The following AGBL1 variants were observed in gnomAD, a reference collection of about 807,000 sequenced individuals.
AGBL1 encodes cytosolic carboxypeptidase 4.
AGBL1 carries 130 observed loss-of-function variants against 118.9 expected under a neutral mutation model. The ratio of observed to expected loss-of-function variants is 1.09; its 90% CI spans 0.95 to 1.26. The LOEUF is 1.26. AGBL1 is among the 50% of genes most tolerant of loss of function. The pLI is 0.00. For missense variants in AGBL1, 1,584 were observed against 1,298.1 expected, an observed-to-expected ratio of 1.22 and a Z score of -3.38; for synonymous variants, 555 against 478.9, an observed-to-expected ratio of 1.16 and a Z score of -2.08.
rs193045284 is a variant in AGBL1, at chr15:86,490,752, C to G, written c.2556-32058C>G. Among the ~76,000 whole-genome samples the G allele has an allele frequency of 4.9e-3, 751 of 152,216 alleles. 15 individuals are homozygous for G. Among genetic ancestry groups the G allele is most frequent in the Non-Finnish European group, 4.6e-3 (314 of 67,992 alleles). ...TGAAGTCATGCAAATAAAGAGAATA[C>G]TGAAATATTGTTTCTCAGTGGCACC... is the stretch of plus-strand genomic sequence containing the variant. On this transcript the variant is annotated intron_variant, in intron 18 of 22. Transcript: ENST00000614907.
intron 18 of AGBL1, among the ~76,000 whole-genome samples, chr15:86,495,467 C>T (rs2082838285): frequency 6.7e-6 from 1 of 149,664 alleles, no homozygotes; most frequent in African/African-American, 2.4e-5. Context: ...AAAAACCTTA[C>T]AAAAGTAGTT....
chr15:86,873,194 T>C (rs533246476), intron 22 of AGBL1, among the ~76,000 whole-genome samples: 1 of 152,160 alleles, frequency 6.6e-6, no homozygotes, highest in Non-Finnish European at 1.5e-5. Context: ...AAAAGTCTTA[T>C]CTTTTGCTTT....
chr15:86,262,812 G>A lies in AGBL1; in HGVS notation c.1004G>A (p.Ser335Asn), dbSNP rs2079013836. The A allele has an allele frequency of 6.2e-7, 1 of 1,610,576 alleles. No homozygotes were observed. Among genetic ancestry groups the A allele is most frequent in the South Asian group, 1.1e-5 (1 of 89,908 alleles). ...DDLETDVNKL[S>N]SKPGLDRPEE... Reference sequence around the variant, plus strand: ...TTGGAAACAGACGTGAACAAGCTGAGTTCCAAACCTGGTCTTGACCGACCT... The same window carrying A: ...TTGGAAACAGACGTGAACAAGCTGAATTCCAAACCTGGTCTTGACCGACCT... The change falls in exon 10 of 23, where the codon AGT becomes AAT. Residue 335 changes from serine (S) to asparagine (N), a missense_variant. Coordinates refer to ENST00000614907, the MANE Select transcript of AGBL1 (RefSeq NM_001386094.1).
chr15:86,741,269 A>G (rs943152341), intron 22 of AGBL1, among the ~76,000 whole-genome samples: 4 of 151,564 alleles, frequency 2.6e-5, no homozygotes, highest in Non-Finnish European at 5.9e-5. Context: ...AAGGAAGACA[A>G]ACAATACTGC....
At chr15:86,645,771 G>T (rs2085267917) in intron 21 of AGBL1, among the ~76,000 whole-genome samples, 1 of 152,166 alleles carries the variant, frequency 6.6e-6, no homozygotes. Flanking sequence ...AAATGTCAGA[G>T]CCTGCATTAC....
intron 22 of AGBL1, among the ~76,000 whole-genome samples, chr15:86,754,432 G>A (rs2077903533): frequency 6.6e-6 from 1 of 152,218 alleles, no homozygotes; most frequent in Non-Finnish European, 1.5e-5. Context: ...AGGTTCTGAT[G>A]TCTGGGTTTT....
chr15:86,421,457 C>G (rs2081788583), intron 18 of AGBL1, among the ~76,000 whole-genome samples: 1 of 152,066 alleles, frequency 6.6e-6, no homozygotes, highest in African/African-American at 2.4e-5. Context: ...GAAGGAAGTA[C>G]TAAATATGGA....
At chr15:86,423,936 T>C (rs977057957) in intron 18 of AGBL1, among the ~76,000 whole-genome samples, 1 of 152,092 alleles carries the variant, frequency 6.6e-6, no homozygotes, top group Non-Finnish European at 1.5e-5. Context: ...AGAACCAATA[T>C]AGAGAAAATG....
intron 5 of AGBL1, among the ~76,000 whole-genome samples, chr15:86,196,907 A>G (rs893381374): frequency 7.9e-5 from 12 of 150,962 alleles, no homozygotes; most frequent in East Asian, 7.7e-4. Flanking sequence ...ACACACACAC[A>G]CACACACACA....
chr15:86,619,380 A>G (rs746002314), intron 21 of AGBL1, among the ~76,000 whole-genome samples: 8 of 152,084 alleles, frequency 5.3e-5, no homozygotes, highest in Non-Finnish European at 8.8e-5. Context: ...CCCTTTCTCC[A>G]TGCTTCTTTC....
chr15:86,495,878 A>G (rs986276508), intron 18 of AGBL1, among the ~76,000 whole-genome samples: 6 of 151,328 alleles, frequency 4.0e-5, no homozygotes, highest in Non-Finnish European at 8.8e-5. Flanking sequence ...TCTCTGAAGG[A>G]TGTTTATAAA....
chr15:86,961,728 A>T (rs1417792850), intron 23 of AGBL1, among the ~76,000 whole-genome samples: 1 of 152,056 alleles, frequency 6.6e-6, no homozygotes, highest in East Asian at 1.9e-4. Flanking sequence ...TTTCTCATAG[A>T]CAGGAATGAA....
chr15:86,960,045 T>A (rs549784140), intron 23 of AGBL1, among the ~76,000 whole-genome samples: 5 of 152,274 alleles, frequency 3.3e-5, no homozygotes, highest in South Asian at 2.1e-4. Flanking sequence ...AAATATTTTT[T>A]AAATAATTCA....
chr15:86,944,098 G>A (rs367633914), intron 23 of AGBL1, among the ~76,000 whole-genome samples: 51 of 152,224 alleles, frequency 3.4e-4, no homozygotes, highest in Middle Eastern at 3.4e-3. Flanking sequence ...AGGGTGGGGC[G>A]CGGTGGCTCA....
At chr15:86,325,217 G>A (rs879236989) in intron 17 of AGBL1, among the ~76,000 whole-genome samples, 2 of 152,166 alleles carry the variant, frequency 1.3e-5, no homozygotes, top group African/African-American at 4.8e-5. Flanking sequence ...AAAAAATAAT[G>A]AGTATAATTG....
At chr15:86,631,785 T>C (rs771546672) in intron 21 of AGBL1, among the ~76,000 whole-genome samples, 7 of 152,200 alleles carry the variant, frequency 4.6e-5, no homozygotes, top group Admixed American at 2.6e-4. Flanking sequence ...TCTGTTCCTA[T>C]CTGAATGGAG....
chr15:86,122,704 C>A (rs567204281), intron 1 of AGBL1, among the ~76,000 whole-genome samples: 1 of 152,280 alleles, frequency 6.6e-6, no homozygotes, highest in South Asian at 2.1e-4. Context: ...AAGGTGTAAA[C>A]CAAAAGTGAA....
intron 19 of AGBL1, among the ~76,000 whole-genome samples, chr15:86,530,362 A>T (rs947356757): frequency 7.4e-6 from 1 of 135,678 alleles, no homozygotes; most frequent in African/African-American, 3.4e-5. Flanking sequence ...GAGACAAAGA[A>T]GGCCATTACA....
At chr15:86,150,734 A>C (rs1347950578) in intron 3 of AGBL1, among the ~76,000 whole-genome samples, 1 of 152,222 alleles carries the variant, frequency 6.6e-6, no homozygotes, top group East Asian at 1.9e-4. Flanking sequence ...TATTCCAATC[A>C]ATACAAAAAG....
Sources: gnomAD v4.1 joint callset for allele counts (sites outside exome capture counted in the v4.1 genomes callset) on GRCh38, gnomAD v4.1.1 for gene constraint, MANE v1.5 for transcripts, NCBI Gene and HGNC (gene_info 2026-07-23, HGNC 2026-07-21) for gene names.